ITM2B: variants seen among roughly 807,000 people sequenced by gnomAD.
ITM2B encodes the protein integral membrane protein 2B, also known as ABri/ADan amyloid peptide.
A neutral mutation model predicts 27.8 loss-of-function variants in ITM2B; 11 were observed. That is an observed-to-expected ratio of 0.40 (90% CI 0.25 to 0.66). ITM2B has a LOEUF of 0.66. ITM2B is among the 30% of genes least tolerant of loss of function. The pLI is 0.43. For missense variants in ITM2B, 296 were observed against 328.9 expected (o/e 0.90, Z 0.77); for synonymous variants, 114 against 114.3 (o/e 1.00, Z 0.02).
At chr13:48,248,494 T>A (rs1049263462) in intron 1 of ITM2B, among the ~76,000 whole-genome samples, 1 of 152,118 alleles carries the variant, frequency 6.6e-6, no homozygotes, top group African/African-American at 2.4e-5. Context: ...TTCGAATTTT[T>A]TTTTTGTTGC....
At chr13:48,242,105 A>G (rs1196995270) in intron 1 of ITM2B, among the ~76,000 whole-genome samples, 1 of 152,220 alleles carries the variant, frequency 6.6e-6, no homozygotes, top group African/African-American at 2.4e-5. Context: ...CACTGCACAC[A>G]TGATCTCTTC....
At chr13:48,241,246 C>G (rs992678949) in intron 1 of ITM2B, among the ~76,000 whole-genome samples, 2 of 152,216 alleles carry the variant, frequency 1.3e-5, no homozygotes, top group Non-Finnish European at 2.9e-5. Flanking sequence ...GAGTCTTGCT[C>G]TGTCACCCAG....
chr13:48,235,486 A>G (rs1473275498), intron 1 of ITM2B, among the ~76,000 whole-genome samples: 1 of 152,250 alleles, frequency 6.6e-6, no homozygotes, highest in Non-Finnish European at 1.5e-5. Context: ...CTATAAGCTG[A>G]AAGACTTCTT....
chr13:48,257,129 A>G (rs1255765756), intron 3 of ITM2B, among the ~76,000 whole-genome samples: 1 of 152,236 alleles, frequency 6.6e-6, no homozygotes, highest in African/African-American at 2.4e-5. Flanking sequence ...TAGATTAACG[A>G]CAATAATAAT....
chr13:48,235,269 C>T (rs1014090678), intron 1 of ITM2B, among the ~76,000 whole-genome samples: 1 of 152,292 alleles, frequency 6.6e-6, no homozygotes, highest in East Asian at 1.9e-4. Flanking sequence ...CTCACGAGTT[C>T]ACCATATTTA....
At chr13:48,238,914 T>C (rs1593388108) in intron 1 of ITM2B, among the ~76,000 whole-genome samples, 1 of 152,304 alleles carries the variant, frequency 6.6e-6, no homozygotes, top group East Asian at 1.9e-4. Context: ...TGCAAATTAT[T>C]TTTAAAAGTT....
intron 2 of ITM2B, among the ~76,000 whole-genome samples, chr13:48,255,209 T>C (rs914393610): frequency 2.0e-5 from 3 of 150,294 alleles, no homozygotes; most frequent in African/African-American, 7.4e-5. Context: ...CCTTAGTCTT[T>C]ATTGTGTGTG....
intron 1 of ITM2B, among the ~76,000 whole-genome samples, chr13:48,239,139 A>T (rs1216049251): frequency 6.6e-6 from 1 of 152,168 alleles, no homozygotes. Flanking sequence ...TTGCATTATC[A>T]GTTTTCAGTT....
chr13:48,241,443 C>G (rs1010360994), intron 1 of ITM2B, among the ~76,000 whole-genome samples: 11 of 152,304 alleles, frequency 7.2e-5, no homozygotes, highest in Non-Finnish European at 1.2e-4. Flanking sequence ...AACTCCTGAC[C>G]TCAAGTGGTC....
At chr13:48,235,785 A>C (rs192558011) in intron 1 of ITM2B, among the ~76,000 whole-genome samples, 2 of 152,334 alleles carry the variant, frequency 1.3e-5, no homozygotes, top group African/African-American at 4.8e-5. Context: ...CAAGCTAGTT[A>C]ATGGCCTAGA....
Position 48,258,789 on chromosome 13 carries a change from G to A in ITM2B, c.565-8G>A. On this transcript the variant is annotated splice_region_variant and splice_polypyrimidine_tract_variant and intron_variant, in intron 4 of 5. Coordinates refer to ENST00000647800, the MANE Select transcript of ITM2B (RefSeq NM_021999.5). ...ATAGTCATGTCATGTATTCTTTTCTGAATGTAGGCTGGAACCTATTTGCCT... is the reference window on the plus strand; with the variant it reads ...ATAGTCATGTCATGTATTCTTTTCTAAATGTAGGCTGGAACCTATTTGCCT... The A allele has an allele frequency of 6.2e-7, 1 of 1,612,736 alleles. No homozygotes were observed. The highest frequency in any genetic ancestry group is 8.5e-7 in the Non-Finnish European group (1 of 1,178,828).
At position 48,251,980 on chromosome 13, in the gene ITM2B, C is replaced by T. The variant is rs9332267; in HGVS notation, c.118-1828C>T. ...TTGCTAAATTCTTCAGACTTATTCT[C>T]ATTACATACTTTTCTTCCTTGCAAT... On this transcript the variant is annotated intron_variant, in intron 1 of 5. Transcript: ENST00000647800. Among the ~76,000 whole-genome samples the T allele has an allele frequency of 6.7e-3, 1,014 of 152,344 alleles. 15 individuals are homozygous for T. Among genetic ancestry groups the T allele is most frequent in the African/African-American group, 0.023 (965 of 41,578 alleles).
chr13:48,237,384 A>G (rs966273535), intron 1 of ITM2B, among the ~76,000 whole-genome samples: 2 of 152,154 alleles, frequency 1.3e-5, no homozygotes, highest in East Asian at 3.8e-4. Context: ...GTGCATCCCA[A>G]ATGCCTTGGC....
chr13:48,253,846 C>CTGG lies in ITM2B; in HGVS notation c.159_161dup (p.Trp53dup). On this transcript the variant is annotated inframe_insertion, in exon 2 of 6. Coordinates refer to ENST00000647800, the MANE Select transcript of ITM2B (RefSeq NM_021999.5). ...TGGTACCAGTTGGCCAAAGAAGAGCCTGGTGTTGGTGCATGTGCTTTGGAC... is the reference window on the plus strand; with the variant it reads ...TGGTACCAGTTGGCCAAAGAAGAGCCTGGTGGTGTTGGTGCATGTGCTTTGGAC... The CTGG allele has an allele frequency of 6.2e-7, 1 of 1,613,778 alleles. No individual in the cohort carries two copies. The highest frequency in any genetic ancestry group is 8.5e-7 in the Non-Finnish European group (1 of 1,179,738).
At chr13:48,242,288 T>G (rs1055915882) in intron 1 of ITM2B, among the ~76,000 whole-genome samples, 19 of 152,106 alleles carry the variant, frequency 1.2e-4, no homozygotes, top group African/African-American at 4.1e-4. Context: ...GGAGAGAGGG[T>G]TCCTTAATTT....
At position 48,233,307 on chromosome 13, in the gene ITM2B, G is replaced by T; in HGVS notation, c.-54G>T. The T allele has an allele frequency of 4.2e-6, 5 of 1,204,286 alleles. No individual in the cohort carries two copies. Among genetic ancestry groups the T allele is most frequent in the Non-Finnish European group, 5.8e-6 (5 of 856,972 alleles). 74.6% of individuals were successfully genotyped at this position (1,204,286 alleles called of 1,614,324 possible). A position where few individuals can be genotyped will look rare whatever the true frequency, so the allele number is the denominator to read the frequency against. Reference sequence around the variant, plus strand: ...AGGCTGCAATCGCAGCCGGGAGCCCGCAGCCCGCGCCCCGAGCCCGCCGCC... The same window carrying T: ...AGGCTGCAATCGCAGCCGGGAGCCCTCAGCCCGCGCCCCGAGCCCGCCGCC... On this transcript the variant is annotated 5_prime_UTR_variant, in exon 1 of 6. Transcript: ENST00000647800.
chr13:48,256,136 T>G, intron 2 of ITM2B, 41 bp from the exon 3 acceptor site: 1 of 1,442,962 alleles, frequency 6.9e-7, no homozygotes, highest in Non-Finnish European at 9.7e-7. Flanking sequence ...AAAACCTGTC[T>G]CATGCTGAAT....
At chr13:48,251,883 A>G (rs1951758067) in intron 1 of ITM2B, among the ~76,000 whole-genome samples, 1 of 152,234 alleles carries the variant, frequency 6.6e-6, no homozygotes, top group Admixed American at 6.5e-5. Flanking sequence ...TCGTCATTAA[A>G]GTTTCATAAT....
At chr13:48,249,514 TTAAA>T (rs1951741295) in intron 1 of ITM2B, among the ~76,000 whole-genome samples, 1 of 152,236 alleles carries the variant, frequency 6.6e-6, no homozygotes, top group Non-Finnish European at 1.5e-5. Flanking sequence ...TCTAATTAGT[TTAAA>T]TAATTTGACT....
Sources: allele counts gnomAD v4.1 joint callset (sites outside exome capture counted in the v4.1 genomes callset), GRCh38; gene constraint gnomAD v4.1.1; transcripts MANE v1.5; gene names NCBI Gene and HGNC (gene_info 2026-07-23, HGNC 2026-07-21).